Variants in TMCC1 observed in about 807,000 individuals in gnomAD.
The protein encoded by TMCC1 is transmembrane and coiled-coil domains protein 1.
Under a neutral mutation model 52.4 loss-of-function variants are expected in TMCC1, and 15 were observed. That is an observed-to-expected ratio of 0.29 (90% confidence interval 0.19 to 0.44). TMCC1 has a LOEUF of 0.44. TMCC1 is among the 20% of genes least tolerant of loss of function. The pLI is 1.00. For missense variants in TMCC1, 503 were observed against 806.0 expected (o/e 0.62, Z 4.55); for synonymous variants, 279 against 301.9 (o/e 0.92, Z 0.79).
At chr3:129,822,662 G>A (rs534996336) in intron 4 of TMCC1, among the ~76,000 whole-genome samples, 19 of 152,294 alleles carry the variant, frequency 1.2e-4, no homozygotes, top group Non-Finnish European at 2.6e-4. Context: ...ACCAGGTAAA[G>A]AGGCAAGAAT....
At chr3:129,699,368 C>G (rs1355472816) in intron 4 of TMCC1, among the ~76,000 whole-genome samples, 1 of 152,204 alleles carries the variant, frequency 6.6e-6, no homozygotes, top group African/African-American at 2.4e-5. Flanking sequence ...AGTGCCATGA[C>G]AGTTTACAAA....
At chr3:129,729,038 G>T (rs559293828) in intron 4 of TMCC1, among the ~76,000 whole-genome samples, 19 of 152,170 alleles carry the variant, frequency 1.2e-4, no homozygotes, top group African/African-American at 4.6e-4. Context: ...CAGTGTAGAG[G>T]ATTTCATAGA....
chr3:129,849,461 CAA>C (rs564418353), intron 2 of TMCC1, among the ~76,000 whole-genome samples: 5 of 132,658 alleles, frequency 3.8e-5, no homozygotes, highest in Non-Finnish European at 4.8e-5. Context: ...GACTCCATCT[CAA>C]AAAAAAAAAA....
At chr3:129,673,195 G>A (rs2088111586) in intron 4 of TMCC1, among the ~76,000 whole-genome samples, 1 of 152,028 alleles carries the variant, frequency 6.6e-6, no homozygotes, top group African/African-American at 2.4e-5. Flanking sequence ...TTTGGTGCAT[G>A]CTAACAAGCA....
chr3:129,836,081 T>C (rs1008137737), intron 2 of TMCC1, among the ~76,000 whole-genome samples: 3 of 152,200 alleles, frequency 2.0e-5, no homozygotes, highest in African/African-American at 7.2e-5. Context: ...TCTAGCTGTA[T>C]TAATTGTATT....
chr3:129,742,138 TTG>T (rs909462219), intron 4 of TMCC1, among the ~76,000 whole-genome samples: 1 of 152,138 alleles, frequency 6.6e-6, no homozygotes, highest in African/African-American at 2.4e-5. Flanking sequence ...ATGAGTCTGT[TTG>T]TGTTTTTTTC....
chr3:129,870,108 C>G (rs1458243479), intron 2 of TMCC1, among the ~76,000 whole-genome samples: 2 of 151,836 alleles, frequency 1.3e-5, no homozygotes, highest in Non-Finnish European at 1.5e-5. Context: ...AAAGACTAGT[C>G]TTGAAAAATT....
At chr3:129,660,492 T>A (rs1022775982) in intron 5 of TMCC1, among the ~76,000 whole-genome samples, 1 of 152,210 alleles carries the variant, frequency 6.6e-6, no homozygotes, top group Admixed American at 6.5e-5. Context: ...CCCAATTTTA[T>A]ATATTTTGAC....
chr3:129,670,289 C>A (rs751740185), intron 5 of TMCC1, 41 bp downstream of exon 5: 13 of 1,576,600 alleles, frequency 8.2e-6, no homozygotes, highest in African/African-American at 1.4e-5. Flanking sequence ...GGAGGGGAAC[C>A]CTACACAAAT....
At chr3:129,837,202 C>A (rs571668569) in intron 2 of TMCC1, among the ~76,000 whole-genome samples, 1 of 152,160 alleles carries the variant, frequency 6.6e-6, no homozygotes, top group Admixed American at 6.5e-5. Context: ...AGGCCACACC[C>A]CCAAGACCCA....
intron 4 of TMCC1, among the ~76,000 whole-genome samples, chr3:129,723,600 A>T (rs2049831228): frequency 6.6e-6 from 1 of 152,178 alleles, no homozygotes; most frequent in Admixed American, 6.5e-5. Flanking sequence ...CTTACTCTGC[A>T]ATGAAGCAGC....
At chr3:129,825,974 T>C (rs1024545947) in intron 4 of TMCC1, among the ~76,000 whole-genome samples, 1 of 152,252 alleles carries the variant, frequency 6.6e-6, no homozygotes, top group Non-Finnish European at 1.5e-5. Flanking sequence ...AACAATGTTA[T>C]GAAAAAAGTT....
In TMCC1 at chr3:129,885,955, A is replaced by C. The variant is rs79246386; in HGVS notation, c.-434-5396T>G. The stretch of plus-strand genomic sequence containing the variant: ...ACAGGGTTTCACCATGTTGGCCAGG[A>C]TGGTCTCGATCTCTTGACCTCATGA... On this transcript the variant is annotated intron_variant, in intron 1 of 6. Transcript: ENST00000393238. Among the ~76,000 whole-genome samples the C allele has an allele frequency of 1.4e-3, 219 of 152,136 alleles. 3 individuals are homozygous for C. The highest frequency in any genetic ancestry group is 4.8e-3 in the Admixed American group (73 of 15,274).
chr3:129,845,723 G>C (rs1266808262), intron 2 of TMCC1, among the ~76,000 whole-genome samples: 1 of 152,136 alleles, frequency 6.6e-6, no homozygotes, highest in Non-Finnish European at 1.5e-5. Context: ...GTTGATAATA[G>C]AATGTCCCCA....
intron 5 of TMCC1, among the ~76,000 whole-genome samples, chr3:129,666,487 C>T (rs1464487115): frequency 2.0e-5 from 3 of 152,066 alleles, no homozygotes; most frequent in Admixed American, 1.3e-4. Context: ...GTCTGTAATC[C>T]CAGCATTGTG....
intron 4 of TMCC1, among the ~76,000 whole-genome samples, chr3:129,687,863 T>A (rs1427783296): frequency 6.6e-6 from 1 of 152,196 alleles, no homozygotes; most frequent in Non-Finnish European, 1.5e-5. Context: ...CGCTTCAGAC[T>A]ATAGAAAAAG....
At chr3:129,770,322 C>G (rs892986096) in intron 4 of TMCC1, among the ~76,000 whole-genome samples, 3 of 152,132 alleles carry the variant, frequency 2.0e-5, no homozygotes, top group Non-Finnish European at 4.4e-5. Flanking sequence ...TGGAGAGCAG[C>G]CTGGCCAACA....
At chr3:129,730,249 C>T (rs1049270189) in intron 4 of TMCC1, among the ~76,000 whole-genome samples, 5 of 152,098 alleles carry the variant, frequency 3.3e-5, no homozygotes, top group Non-Finnish European at 4.4e-5. Context: ...TCGATAGCAT[C>T]TTTCACAGAT....
At chr3:129,745,934 A>G (rs1212390715) in intron 4 of TMCC1, among the ~76,000 whole-genome samples, 2 of 151,402 alleles carry the variant, frequency 1.3e-5, no homozygotes, top group African/African-American at 4.8e-5. Flanking sequence ...AAGGAAAGAA[A>G]AAAAGCCAGA....
Sources: gnomAD v4.1 joint callset for allele counts (sites outside exome capture counted in the v4.1 genomes callset) on GRCh38, gnomAD v4.1.1 for gene constraint, MANE v1.5 for transcripts, NCBI Gene and HGNC (gene_info 2026-07-23, HGNC 2026-07-21) for gene names.